TAFA1: variants seen among roughly 807,000 people sequenced by gnomAD.
The protein encoded by TAFA1 is TAFA chemokine like family member 1, also known as chemokine-like protein TAFA-1.
In TAFA1, 4 loss-of-function variants were observed where a neutral mutation model predicts 18.5. The ratio of observed to expected loss-of-function variants is 0.22; its 90% CI spans 0.11 to 0.49. The LOEUF is 0.49. Among genes scored for constraint, TAFA1 ranks in the 20% least tolerant of loss-of-function variants. The probability of loss-of-function intolerance (pLI) is 0.98; values close to 1 mark genes in which losing one functional copy is unlikely to be tolerated. For missense variants in TAFA1, 147 were observed against 169.0 expected (o/e 0.87, Z 0.72); for synonymous variants, 56 against 55.2 (o/e 1.01, Z -0.06).
intron 2 of TAFA1, among the ~76,000 whole-genome samples, chr3:68,041,327 T>G (rs1705160291): frequency 6.6e-6 from 1 of 152,200 alleles, no homozygotes; most frequent in African/African-American, 2.4e-5. Flanking sequence ...AAAATTCAGT[T>G]TTTGTACTCT....
chr3:68,395,978 T>A (rs1019652430), intron 2 of TAFA1, among the ~76,000 whole-genome samples: 1 of 151,918 alleles, frequency 6.6e-6, no homozygotes, highest in African/African-American at 2.4e-5. Flanking sequence ...ACTGGCATTC[T>A]CCCCAATTGT....
chr3:68,117,577 G>A (rs1291526821), intron 2 of TAFA1, among the ~76,000 whole-genome samples: 3 of 152,120 alleles, frequency 2.0e-5, no homozygotes, highest in Non-Finnish European at 4.4e-5. Flanking sequence ...ATAACCTTGG[G>A]CAGTGGGCTA....
intron 2 of TAFA1, among the ~76,000 whole-genome samples, chr3:68,396,469 T>G (rs757249234): frequency 1.3e-5 from 2 of 152,216 alleles, no homozygotes; most frequent in Non-Finnish European, 2.9e-5. Context: ...AAAAAGAACC[T>G]TTTATTTAAA....
intron 3 of TAFA1, among the ~76,000 whole-genome samples, chr3:68,447,729 A>C (rs762550814): frequency 6.6e-6 from 1 of 152,218 alleles, no homozygotes; most frequent in African/African-American, 2.4e-5. Context: ...AATAATTTTC[A>C]TCTCTTGAGT....
chr3:68,539,845 T>C (rs930377146), intron 4 of TAFA1, among the ~76,000 whole-genome samples: 1 of 151,968 alleles, frequency 6.6e-6, no homozygotes, highest in East Asian at 1.9e-4. Flanking sequence ...CTGCAGCATC[T>C]AACTCCTAGC....
intron 2 of TAFA1, among the ~76,000 whole-genome samples, chr3:68,381,355 T>C (rs1425818887): frequency 1.3e-5 from 2 of 151,586 alleles, no homozygotes; most frequent in Non-Finnish European, 2.9e-5. Flanking sequence ...ATAAATTACC[T>C]TGGGCAGTAT....
At chr3:68,297,484 A>T (rs1171376036) in intron 2 of TAFA1, among the ~76,000 whole-genome samples, 1 of 152,026 alleles carries the variant, frequency 6.6e-6, no homozygotes. Flanking sequence ...AGAGATTCTG[A>T]CTCCACAGAT....
intron 2 of TAFA1, among the ~76,000 whole-genome samples, chr3:68,090,846 A>G (rs750086680): frequency 3.9e-5 from 6 of 152,188 alleles, no homozygotes; most frequent in African/African-American, 1.4e-4. Context: ...CTTAAAATCA[A>G]TGTTAGTAAG....
chr3:68,376,950 A>C (rs1165515998), intron 2 of TAFA1, among the ~76,000 whole-genome samples: 2 of 152,098 alleles, frequency 1.3e-5, no homozygotes, highest in Admixed American at 1.3e-4. Flanking sequence ...TTCCTCCTTC[A>C]CATGCTCCTC....
At chr3:68,461,225 G>A (rs1350795921) in intron 3 of TAFA1, among the ~76,000 whole-genome samples, 1 of 151,780 alleles carries the variant, frequency 6.6e-6, no homozygotes, top group African/African-American at 2.4e-5. Flanking sequence ...TAGGTTGCAA[G>A]GAGCCAAGAT....
At chr3:68,147,011 A>G (rs1021552513) in intron 2 of TAFA1, among the ~76,000 whole-genome samples, 2 of 147,824 alleles carry the variant, frequency 1.4e-5, no homozygotes, top group Non-Finnish European at 3.0e-5. Context: ...TTGTGTGTGT[A>G]TATATATATG....
At chr3:68,386,218 CA>C (rs1462691913) in intron 2 of TAFA1, among the ~76,000 whole-genome samples, 10 of 152,060 alleles carry the variant, frequency 6.6e-5, no homozygotes, top group African/African-American at 9.7e-5. Context: ...TATGAGGAAA[CA>C]AAGACTCAGA....
chr3:68,095,852 T>C lies in TAFA1; in HGVS notation c.118+89108T>C, dbSNP rs1346843237. 2.6e-5 allele frequency among the ~76,000 whole-genome samples: 4 copies of C among 152,172 alleles called. No homozygotes were observed. The East Asian group carries it at 7.7e-4, about 29-fold the overall frequency. On this transcript the variant is annotated intron_variant, in intron 2 of 4. Coordinates refer to ENST00000478136, the MANE Select transcript of TAFA1 (RefSeq NM_213609.4). ...GATACATAATATTTGTGTATATTTA[T>C]TGGGTACACATAATATTTTGTTACA...
chr3:68,511,484 TA>T (rs557260014), intron 3 of TAFA1, among the ~76,000 whole-genome samples: 4 of 152,074 alleles, frequency 2.6e-5, no homozygotes, highest in Non-Finnish European at 5.9e-5. Context: ...AACAAAACGA[TA>T]AAAACCTAAA....
chr3:68,138,709 G>T (rs143517369), intron 2 of TAFA1, among the ~76,000 whole-genome samples: 2 of 152,322 alleles, frequency 1.3e-5, no homozygotes, highest in East Asian at 3.9e-4. Context: ...GTCTACATGA[G>T]CAGTTTATAT....
intron 2 of TAFA1, among the ~76,000 whole-genome samples, chr3:68,302,137 G>A (rs1281413634): frequency 6.6e-6 from 1 of 152,144 alleles, no homozygotes; most frequent in African/African-American, 2.4e-5. Context: ...TAGGAAGAGA[G>A]AAATATTTGT....
chr3:68,352,531 A>G (rs1478825003), intron 2 of TAFA1, among the ~76,000 whole-genome samples: 7 of 152,048 alleles, frequency 4.6e-5, no homozygotes, highest in African/African-American at 1.7e-4. Flanking sequence ...CTGAGCTGAC[A>G]AGAGTTTTCT....
At chr3:68,313,165 G>A (rs565772783) in intron 2 of TAFA1, among the ~76,000 whole-genome samples, 12 of 152,232 alleles carry the variant, frequency 7.9e-5, no homozygotes, top group Admixed American at 3.9e-4. Flanking sequence ...AGATTTGGGC[G>A]GGGACACAAA....
intron 2 of TAFA1, among the ~76,000 whole-genome samples, chr3:68,185,304 A>G (rs1316387990): frequency 5.9e-5 from 9 of 152,132 alleles, no homozygotes; most frequent in African/African-American, 4.8e-5. Flanking sequence ...AGCCAACATC[A>G]ATAAAGAAGA....
Sources: gnomAD v4.1 joint callset for allele counts (sites outside exome capture counted in the v4.1 genomes callset) on GRCh38, gnomAD v4.1.1 for gene constraint, MANE v1.5 for transcripts, NCBI Gene and HGNC (gene_info 2026-07-23, HGNC 2026-07-21) for gene names.